IL1RAPL2: variants seen among roughly 807,000 people sequenced by gnomAD.
IL1RAPL2 encodes interleukin 1 receptor accessory protein like 2.
Under a neutral mutation model 44.1 loss-of-function variants are expected in IL1RAPL2, and 3 were observed. The ratio of observed to expected loss-of-function variants is 0.07; its 90% CI spans 0.03 to 0.18. The LOEUF (loss-of-function observed/expected upper bound fraction) is 0.18. Among genes scored for constraint, IL1RAPL2 ranks in the 10% least tolerant of loss-of-function variants. IL1RAPL2 has a pLI of 1.00. For missense variants in IL1RAPL2, 391 were observed against 496.4 expected (o/e 0.79, Z 2.02); for synonymous variants, 181 against 178.8 (o/e 1.01, Z -0.10).
chrX:105,526,375 A>G (rs1275936963), intron 6 of IL1RAPL2, among the ~76,000 whole-genome samples: 5 of 111,791 alleles, frequency 4.5e-5, no homozygotes, highest in Non-Finnish European at 9.4e-5. Context: ...AAACTCTGCC[A>G]TTGAGAAGAT....
intron 4 of IL1RAPL2, among the ~76,000 whole-genome samples, chrX:105,259,965 A>G (rs1010905120): frequency 1.8e-5 from 2 of 111,956 alleles, no homozygotes; most frequent in African/African-American, 6.5e-5. Flanking sequence ...ACCTGGAGGT[A>G]TCACTAGTGG....
At chrX:104,604,485 T>G (rs1432467006) in intron 1 of IL1RAPL2, among the ~76,000 whole-genome samples, 2 of 110,354 alleles carry the variant, frequency 1.8e-5, no homozygotes, top group Non-Finnish European at 3.8e-5. Flanking sequence ...ATGGGCTAAG[T>G]GCTCCAGTTA....
At chrX:105,027,212 G>T (rs1358524768) in intron 2 of IL1RAPL2, among the ~76,000 whole-genome samples, 2 of 111,399 alleles carry the variant, frequency 1.8e-5, no homozygotes, top group African/African-American at 6.5e-5. Flanking sequence ...CACAAACTAT[G>T]AAACTGATAC....
chrX:104,763,659 C>A (rs1471088158), intron 2 of IL1RAPL2, among the ~76,000 whole-genome samples: 1 of 111,699 alleles, frequency 9.0e-6, no homozygotes, highest in Non-Finnish European at 1.9e-5. Flanking sequence ...ACATGCTCTT[C>A]TTCACATGGC....
At chrX:105,057,753 G>T (rs907478194) in intron 2 of IL1RAPL2, among the ~76,000 whole-genome samples, 1 of 108,581 alleles carries the variant, frequency 9.2e-6, no homozygotes, top group Non-Finnish European at 1.9e-5. Flanking sequence ...TTGACTGATT[G>T]GTTATTTTAT....
intron 5 of IL1RAPL2, among the ~76,000 whole-genome samples, chrX:105,421,770 T>G (rs1485896778): frequency 8.9e-6 from 1 of 111,902 alleles, no homozygotes; most frequent in Non-Finnish European, 1.9e-5. Context: ...TGTTATTTTC[T>G]TCTGAAGTTT....
intron 2 of IL1RAPL2, among the ~76,000 whole-genome samples, chrX:104,744,942 A>G (rs375021831): frequency 2.7e-5 from 3 of 110,939 alleles, no homozygotes; most frequent in African/African-American, 9.8e-5. Context: ...GCAATGATAA[A>G]CAGCTCATAG....
chrX:104,629,838 A>G (rs1929598059), intron 1 of IL1RAPL2, among the ~76,000 whole-genome samples: 1 of 111,902 alleles, frequency 8.9e-6, no homozygotes. Flanking sequence ...GTTGACTGTA[A>G]ATATATGAAT....
At chrX:105,082,498 T>C (rs933118090) in intron 2 of IL1RAPL2, among the ~76,000 whole-genome samples, 4 of 111,675 alleles carry the variant, frequency 3.6e-5, no homozygotes, top group African/African-American at 1.3e-4. Flanking sequence ...TCGGGTATAC[T>C]GAATGGGAGA....
rs1477390134 is a variant in IL1RAPL2, at chrX:104,654,664, T to A, written c.-19-4231T>A. 3.6e-5 allele frequency among the ~76,000 whole-genome samples: 4 copies of A among 111,623 alleles called. No individual in the cohort carries two copies. In the East Asian group the frequency reaches 8.5e-4, roughly 24 times the overall value. ...TTGTCTTGGCAATGTGGGCTCTTTT[T>A]TAGTTCCATATGAATTTTAAAGTAG... On this transcript the variant is annotated intron_variant, in intron 1 of 10. Coordinates refer to ENST00000372582, the MANE Select transcript of IL1RAPL2 (RefSeq NM_017416.2).
At position 104,693,652 on chromosome X, in the gene IL1RAPL2, A is replaced by G. The variant is rs1362543694; in HGVS notation, c.82+34657A>G. Among the ~76,000 whole-genome samples, 6 of 111,903 alleles carry G rather than the reference A, an allele frequency of 5.4e-5. No homozygotes were observed. In the Admixed American group the frequency reaches 5.7e-4, roughly 11 times the overall value. ...TCATAGATTTAAATTTCCTATTTTC[A>G]GAGAATTCACTTTGGTTATAAGAAG... On this transcript the variant is annotated intron_variant, in intron 2 of 10. Coordinates refer to ENST00000372582, the MANE Select transcript of IL1RAPL2 (RefSeq NM_017416.2).
At chrX:105,667,653 C>T (rs753873609) in intron 6 of IL1RAPL2, among the ~76,000 whole-genome samples, 1 of 111,399 alleles carries the variant, frequency 9.0e-6, no homozygotes, top group East Asian at 2.8e-4. Context: ...TAATGCAACT[C>T]CAGCAGTAGC....
intron 6 of IL1RAPL2, among the ~76,000 whole-genome samples, chrX:105,543,568 T>G (rs1397347158): frequency 4.5e-5 from 5 of 111,884 alleles, no homozygotes; most frequent in Non-Finnish European, 9.4e-5. Context: ...GGCTGTGAAC[T>G]TTTCTGCATA....
At chrX:105,289,555 C>T (rs937577775) in intron 5 of IL1RAPL2, among the ~76,000 whole-genome samples, 1 of 111,518 alleles carries the variant, frequency 9.0e-6, no homozygotes, top group Non-Finnish European at 1.9e-5. Context: ...ATAGAACCAA[C>T]AAGTTTTCTG....
chrX:105,692,485 T>C (rs1449027268), intron 6 of IL1RAPL2, among the ~76,000 whole-genome samples: 2 of 111,671 alleles, frequency 1.8e-5, no homozygotes, highest in African/African-American at 6.5e-5. Flanking sequence ...AGGAACATTA[T>C]AGCCCAGGTG....
At chrX:104,622,207 A>G (rs1255341059) in intron 1 of IL1RAPL2, among the ~76,000 whole-genome samples, 1 of 110,538 alleles carries the variant, frequency 9.0e-6, no homozygotes, top group Non-Finnish European at 1.9e-5. Context: ...TTCTAACTGC[A>G]ATATTGAGTG....
At chrX:105,661,984 A>G (rs994962355) in intron 6 of IL1RAPL2, among the ~76,000 whole-genome samples, 1 of 112,719 alleles carries the variant, frequency 8.9e-6, no homozygotes, top group East Asian at 2.8e-4. Flanking sequence ...TACAAACTTC[A>G]GATAAAATGG....
chrX:104,663,100 A>C (rs1930431577), intron 2 of IL1RAPL2, among the ~76,000 whole-genome samples: 2 of 112,134 alleles, frequency 1.8e-5, no homozygotes, highest in South Asian at 7.4e-4. Flanking sequence ...ACTCAGTTCC[A>C]CGTAATGAGA....
intron 2 of IL1RAPL2, among the ~76,000 whole-genome samples, chrX:104,890,146 G>A (rs1206216287): frequency 1.8e-5 from 2 of 111,926 alleles, no homozygotes; most frequent in African/African-American, 3.2e-5. Flanking sequence ...TTTTATGGCT[G>A]CATAGTATAC....
Sources: gnomAD v4.1 joint callset for allele counts (sites outside exome capture counted in the v4.1 genomes callset) on GRCh38, gnomAD v4.1.1 for gene constraint, MANE v1.5 for transcripts, NCBI Gene and HGNC (gene_info 2026-07-23, HGNC 2026-07-21) for gene names.